Variants in SLC16A1 observed in about 807,000 individuals in gnomAD.
The protein encoded by SLC16A1 is monocarboxylate transporter 1.
A neutral mutation model predicts 32.2 loss-of-function variants in SLC16A1; 11 were observed. The observed-to-expected ratio is 0.34, with a 90% CI of 0.21 to 0.56. The LOEUF (loss-of-function observed/expected upper bound fraction) is 0.56. Ranked by LOEUF, SLC16A1 falls within the 20% of genes least tolerant of loss-of-function variation. The pLI is 0.87. For synonymous variants in SLC16A1, 231 were observed against 226.8 expected (o/e 1.02, Z -0.17); for missense variants, 435 against 615.0 (o/e 0.71, Z 3.10).
rs1010876783 is a variant in SLC16A1 at position 112,956,017 on chromosome 1, G to A, written c.-45+18C>T. 2 of 152,190 alleles carry A rather than the reference G, an allele frequency of 1.3e-5. No homozygotes were observed. Among genetic ancestry groups the A allele is most frequent in the African/African-American group, 2.4e-5 (1 of 41,438 alleles). 9.4% of individuals were successfully genotyped at this position (152,190 alleles called of 1,614,324 possible). ...CGTGGGGTCCGCGCCGCGTGCCGCC[G>A]GCTGTTACCCAACTAACCGTTATAT... is the stretch of plus-strand genomic sequence containing the variant. On this transcript the variant is annotated intron_variant, in intron 1 of 4. Coordinates refer to ENST00000369626, the MANE Select transcript of SLC16A1 (RefSeq NM_003051.4).
intron 1 of SLC16A1, among the ~76,000 whole-genome samples, chr1:112,935,497 G>C (rs1479184780): frequency 6.6e-6 from 1 of 152,128 alleles, no homozygotes; most frequent in Non-Finnish European, 1.5e-5. Context: ...CTTAAGAATA[G>C]GTTTGAAGAG....
intron 1 of SLC16A1, among the ~76,000 whole-genome samples, chr1:112,944,774 C>T (rs1021708883): frequency 3.9e-5 from 6 of 152,094 alleles, no homozygotes; most frequent in African/African-American, 9.7e-5. Context: ...CTCACTGCAA[C>T]CCCTGCATCC....
intron 1 of SLC16A1, among the ~76,000 whole-genome samples, chr1:112,944,720 TCTCG>T (rs1353913940): frequency 6.6e-6 from 1 of 152,104 alleles, no homozygotes; most frequent in Non-Finnish European, 1.5e-5. Flanking sequence ...TTTGACGGAG[TCTCG>T]CTCTGTCGCT....
At chr1:112,952,224 A>C (rs1437636317) in intron 1 of SLC16A1, among the ~76,000 whole-genome samples, 1 of 152,250 alleles carries the variant, frequency 6.6e-6, no homozygotes, top group African/African-American at 2.4e-5. Context: ...CCAGGATGAG[A>C]GAAACCGGAG....
rs962439693 is a variant in SLC16A1 at position 112,912,151 on chromosome 1, TA to T, written c.*1739del. On this transcript the variant is annotated 3_prime_UTR_variant, in exon 5 of 5. Coordinates refer to ENST00000369626, the MANE Select transcript of SLC16A1 (RefSeq NM_003051.4). ...GCTCTCAGTTCAAATAAGATGGTTT[TA>T]AAATTCCCCTCCTCCTTGCCTTACA... The T allele has an allele frequency of 1.3e-5, 2 of 152,262 alleles. No homozygotes were observed. The highest frequency in any genetic ancestry group is 4.8e-5 in the African/African-American group (2 of 41,466). 9.4% of individuals were successfully genotyped at this position (152,262 alleles called of 1,614,324 possible). A position where few individuals can be genotyped will look rare whatever the true frequency, so the allele number is the denominator to read the frequency against.
Position 112,951,960 on chromosome 1 carries a change from T to C in SLC16A1, c.-45+4075A>G, listed in dbSNP as rs191849422. Among the ~76,000 whole-genome samples, 106 of 152,216 alleles carry C rather than the reference T, an allele frequency of 7.0e-4. 2 individuals are homozygous for C. The highest frequency in any genetic ancestry group is 2.4e-3 in the African/African-American group (101 of 41,536). ...ATTATTTCCACTTGCAAACCACTAG[T>C]GAAATAATGAAAACAGGCTATTAGT... On this transcript the variant is annotated intron_variant, in intron 1 of 4. Transcript: ENST00000369626.
intron 1 of SLC16A1, among the ~76,000 whole-genome samples, chr1:112,952,933 A>G (rs1649948136): frequency 6.6e-6 from 1 of 152,172 alleles, no homozygotes; most frequent in Admixed American, 6.5e-5. Flanking sequence ...AACCTGGGTT[A>G]TATCCTTAAC....
At chr1:112,949,498 T>C (rs958081162) in intron 1 of SLC16A1, among the ~76,000 whole-genome samples, 1 of 152,198 alleles carries the variant, frequency 6.6e-6, no homozygotes, top group Non-Finnish European at 1.5e-5. Flanking sequence ...AATGGCATCA[T>C]GATTCTGTAG....
Position 112,929,088 on chromosome 1 carries a change from T to C in SLC16A1, c.217+4A>G, listed in dbSNP as rs745679135. On this transcript the variant is annotated splice_donor_region_variant and intron_variant, in intron 2 of 4. Coordinates refer to ENST00000369626, the MANE Select transcript of SLC16A1 (RefSeq NM_003051.4). ...TAAAAGAGCAGGCCTTAATGGGTACTTACCTCCACCATACATGACAGCCAA... is the reference window on the plus strand; with the variant it reads ...TAAAAGAGCAGGCCTTAATGGGTACCTACCTCCACCATACATGACAGCCAA... The C allele has an allele frequency of 2.5e-6, 4 of 1,611,286 alleles. No homozygotes were observed. The South Asian group carries it at 4.4e-5, about 18-fold the overall frequency.
intron 1 of SLC16A1, among the ~76,000 whole-genome samples, chr1:112,936,373 C>A (rs1480677144): frequency 1.4e-5 from 2 of 147,722 alleles, no homozygotes; most frequent in African/African-American, 2.5e-5. Flanking sequence ...CTGGGCATGG[C>A]GGCAGGCACC....
rs577672040 is a variant in SLC16A1 at position 112,941,676 on chromosome 1, C to T, written c.-44-12324G>A. 4.6e-5 allele frequency among the ~76,000 whole-genome samples: 7 copies of T among 152,278 alleles called. No homozygotes were observed. In the South Asian group the frequency reaches 1.4e-3, roughly 32 times the overall value. On this transcript the variant is annotated intron_variant, in intron 1 of 4. Transcript: ENST00000369626. ...CAAAGTTTTTCCTAACAAGAAAGCT[C>T]GCAATGCACACTTGTCAGGAGTCTA... is the stretch of plus-strand genomic sequence containing the variant.
intron 1 of SLC16A1, chr1:112,955,578 T>A (rs1034809128): frequency 6.6e-6 from 1 of 152,158 alleles, no homozygotes; most frequent in Non-Finnish European, 1.5e-5. Context: ...GGGCGGACAA[T>A]GTCACGAATC....
At chr1:112,923,175 T>C (rs1012475299) in intron 2 of SLC16A1, among the ~76,000 whole-genome samples, 13 of 151,916 alleles carry the variant, frequency 8.6e-5, no homozygotes, top group Admixed American at 6.6e-4. Context: ...CAAAATTAGC[T>C]GGGCGTGGTG....
At chr1:112,944,497 A>G (rs1476975131) in intron 1 of SLC16A1, among the ~76,000 whole-genome samples, 3 of 152,194 alleles carry the variant, frequency 2.0e-5, no homozygotes, top group African/African-American at 7.2e-5. Context: ...GACAAGTTAT[A>G]CATGTGTGTT....
chr1:112,952,762 C>A (rs939245040), intron 1 of SLC16A1, among the ~76,000 whole-genome samples: 1 of 152,192 alleles, frequency 6.6e-6, no homozygotes, highest in African/African-American at 2.4e-5. Context: ...ACACCATTCT[C>A]AGGGGTTGCC....
At chr1:112,936,230 G>A (rs542629070) in intron 1 of SLC16A1, among the ~76,000 whole-genome samples, 10 of 152,138 alleles carry the variant, frequency 6.6e-5, no homozygotes, top group South Asian at 2.1e-4. Flanking sequence ...GAAGGCAGCC[G>A]GGGGCAGTGG....
chr1:112,934,925 C>G (rs542776218), intron 1 of SLC16A1, among the ~76,000 whole-genome samples: 16 of 152,290 alleles, frequency 1.1e-4, no homozygotes, highest in Middle Eastern at 3.4e-3. Flanking sequence ...CGTGAGCAAA[C>G]GCAATGCCAA....
At chr1:112,923,776 C>T in intron 2 of SLC16A1, 1 of 1,499,044 alleles carries the variant, frequency 6.7e-7, no homozygotes, top group Non-Finnish European at 9.3e-7. Context: ...CTTGGCCTCT[C>T]CAACTATGCC....
At chr1:112,924,003 C>A in intron 2 of SLC16A1, 2 of 1,397,986 alleles carry the variant, frequency 1.4e-6, no homozygotes, top group Non-Finnish European at 2.0e-6. Flanking sequence ...CAGGAAACAG[C>A]CCATGGGCCG....
Sources: gnomAD v4.1 joint callset for allele counts (sites outside exome capture counted in the v4.1 genomes callset) on GRCh38, gnomAD v4.1.1 for gene constraint, MANE v1.5 for transcripts, NCBI Gene and HGNC (gene_info 2026-07-23, HGNC 2026-07-21) for gene names.